LRP1B: variants seen among roughly 807,000 people sequenced by gnomAD.
The protein encoded by LRP1B is low-density lipoprotein receptor-related protein 1B.
LRP1B carries 217 observed loss-of-function variants against 556.6 expected under a neutral mutation model. That is an observed-to-expected ratio of 0.39 (90% CI 0.35 to 0.44). The LOEUF (loss-of-function observed/expected upper bound fraction) is 0.44, where lower values mean the gene tolerates loss of function less well. Among genes scored for constraint, LRP1B ranks in the 20% least tolerant of loss-of-function variants. LRP1B has a pLI of 1.00. For synonymous variants in LRP1B, 2,047 were observed against 1,865.8 expected, an observed-to-expected ratio of 1.10 and a Z score of -2.50; for missense variants, 5,053 against 5,620.8, an observed-to-expected ratio of 0.90 and a Z score of 3.23.
At chr2:141,266,036 C>T (rs1364790606) in intron 3 of LRP1B, among the ~76,000 whole-genome samples, 1 of 151,980 alleles carries the variant, frequency 6.6e-6, no homozygotes, top group Admixed American at 6.6e-5. Flanking sequence ...TAGGAATATG[C>T]ATGTCTGGCC....
At chr2:141,179,497 A>C (rs538375975) in intron 7 of LRP1B, among the ~76,000 whole-genome samples, 3 of 152,214 alleles carry the variant, frequency 2.0e-5, no homozygotes, top group Admixed American at 2.0e-4. Context: ...TGTTTTTACC[A>C]AAAGGCACTG....
chr2:141,778,049 TAG>T (rs1213388563), intron 2 of LRP1B, among the ~76,000 whole-genome samples: 4 of 152,182 alleles, frequency 2.6e-5, no homozygotes, highest in African/African-American at 9.7e-5. Flanking sequence ...TCAGTTGTGG[TAG>T]AGTCAGAAGA....
intron 84 of LRP1B, among the ~76,000 whole-genome samples, chr2:140,276,976 C>T (rs781211639): frequency 2.0e-5 from 3 of 151,876 alleles, no homozygotes; most frequent in Non-Finnish European, 2.9e-5. Context: ...AAAGAGACTA[C>T]ATTGTCTAAT....
At chr2:140,918,061 C>T (rs189766886) in intron 21 of LRP1B, among the ~76,000 whole-genome samples, 1 of 151,938 alleles carries the variant, frequency 6.6e-6, no homozygotes, top group Non-Finnish European at 1.5e-5. Context: ...ATATATATTA[C>T]CCATTTTATT....
chr2:141,117,937 T>C (rs1313347878), intron 7 of LRP1B, among the ~76,000 whole-genome samples: 2 of 151,998 alleles, frequency 1.3e-5, no homozygotes, highest in Non-Finnish European at 2.9e-5. Flanking sequence ...GTCTCTTTCA[T>C]ATAACTCATC....
intron 77 of LRP1B, among the ~76,000 whole-genome samples, chr2:140,345,486 C>G (rs1681603424): frequency 6.6e-6 from 1 of 151,284 alleles, no homozygotes; most frequent in African/African-American, 2.4e-5. Context: ...TACTCCTTGT[C>G]AGCATTTTAA....
intron 3 of LRP1B, among the ~76,000 whole-genome samples, chr2:141,473,395 C>T (rs1308234190): frequency 6.6e-6 from 1 of 152,062 alleles, no homozygotes; most frequent in African/African-American, 2.4e-5. Context: ...AAGGATGAAA[C>T]ACCTATAGAA....
chr2:141,726,936 A>T (rs1001387267), intron 2 of LRP1B, among the ~76,000 whole-genome samples: 8 of 152,144 alleles, frequency 5.3e-5, no homozygotes, highest in African/African-American at 1.9e-4. Flanking sequence ...ATGTATTCTA[A>T]TTTAGAATAC....
rs368255793 is a variant in LRP1B at position 140,285,026 on chromosome 2, GTA to G, written c.12968-10430_12968-10429del. On this transcript the variant is annotated intron_variant, in intron 84 of 90. Coordinates refer to ENST00000389484, the MANE Select transcript of LRP1B (RefSeq NM_018557.3). ...TAGATATCTCTCTGTGTGTGTGTGTGTATATATATATATATATGGATATCTAT... is the reference window on the plus strand; with the variant it reads ...TAGATATCTCTCTGTGTGTGTGTGTGTATATATATATATATGGATATCTAT... 3.5e-3 allele frequency among the ~76,000 whole-genome samples: 499 copies of G among 144,542 alleles called. 3 individuals are homozygous for G. The highest frequency in any genetic ancestry group is 0.011 in the African/African-American group (447 of 39,328). The allele number at this position is 144,542 out of a possible 152,430, so 94.8% of individuals were successfully genotyped here.
intron 43 of LRP1B, among the ~76,000 whole-genome samples, chr2:140,552,086 G>A (rs1161677137): frequency 6.6e-6 from 1 of 152,112 alleles, no homozygotes; most frequent in Non-Finnish European, 1.5e-5. Context: ...TTGACTTGGT[G>A]ACAGGGACTA....
intron 2 of LRP1B, among the ~76,000 whole-genome samples, chr2:141,799,808 C>CTGTGTGTGTGTGTGTGTGTG (rs145191262): frequency 2.6e-4 from 38 of 147,724 alleles, no homozygotes; most frequent in African/African-American, 6.3e-4. Flanking sequence ...AAGAGTGTGT[C>CTGTGTGTGTGTGTGTGTGTG]TGTGTGTGTG....
chr2:141,179,065 T>C (rs966156446), intron 7 of LRP1B, among the ~76,000 whole-genome samples: 2 of 152,072 alleles, frequency 1.3e-5, no homozygotes, highest in African/African-American at 4.8e-5. Context: ...ATTATAATTG[T>C]TTTATGCAAT....
chr2:141,544,505 G>C (rs920537722), intron 2 of LRP1B, among the ~76,000 whole-genome samples: 1 of 148,856 alleles, frequency 6.7e-6, no homozygotes, highest in Non-Finnish European at 1.5e-5. Flanking sequence ...GGTCTTGAAC[G>C]CCTGGCCTCA....
intron 80 of LRP1B, 135 bp downstream of exon 80, chr2:140,325,627 A>C (rs1226313353): frequency 5.4e-6 from 3 of 553,330 alleles, no homozygotes; most frequent in Non-Finnish European, 6.1e-6. Flanking sequence ...ATTACTAGTA[A>C]GCCTTATAAG....
chr2:141,837,409 AT>A (rs1697321855), intron 1 of LRP1B, among the ~76,000 whole-genome samples: 1 of 151,880 alleles, frequency 6.6e-6, no homozygotes, highest in Admixed American at 6.6e-5. Flanking sequence ...AACTCATTCC[AT>A]TTTTCTATAA....
Position 141,529,853 on chromosome 2 carries a change from C to T in LRP1B, c.206-49320G>A, listed in dbSNP as rs1224590515. ...GCACTGACAGCTTGCTGAATATAAA[C>T]AAGAAAAATGATCTACTGTACAAAC... On this transcript the variant is annotated intron_variant, in intron 2 of 90. Coordinates refer to ENST00000389484, the MANE Select transcript of LRP1B (RefSeq NM_018557.3). 3.3e-5 allele frequency among the ~76,000 whole-genome samples: 5 copies of T among 152,028 alleles called. No homozygotes were observed. The East Asian group carries it at 5.8e-4, about 18-fold the overall frequency.
At chr2:141,691,510 C>T (rs1440956356) in intron 2 of LRP1B, among the ~76,000 whole-genome samples, 1 of 91,710 alleles carries the variant, frequency 1.1e-5, no homozygotes, top group African/African-American at 4.9e-5. Context: ...TGTCAGATAC[C>T]TTAAGGTCTG....
intron 86 of LRP1B, among the ~76,000 whole-genome samples, chr2:140,254,472 G>A (rs961442870): frequency 1.3e-5 from 2 of 152,122 alleles, no homozygotes; most frequent in African/African-American, 2.4e-5. Context: ...ACGGTGATCA[G>A]ATATCTGGTA....
chr2:141,862,423 A>G (rs886811563), intron 1 of LRP1B, among the ~76,000 whole-genome samples: 11 of 151,796 alleles, frequency 7.2e-5, no homozygotes, highest in Non-Finnish European at 8.8e-5. Flanking sequence ...AAATTACGTG[A>G]AAAAAAATAT....
Sources: gnomAD v4.1 joint callset for allele counts (sites outside exome capture counted in the v4.1 genomes callset) on GRCh38, gnomAD v4.1.1 for gene constraint, MANE v1.5 for transcripts, NCBI Gene and HGNC (gene_info 2026-07-23, HGNC 2026-07-21) for gene names.